The following CSMD2 variants were observed in gnomAD, a reference collection of about 807,000 sequenced individuals.
The protein encoded by CSMD2 is CUB and Sushi multiple domains 2, also known as CUB and sushi domain-containing protein 2.
In CSMD2, 130 loss-of-function variants were observed where a neutral mutation model predicts 398.5. The observed-to-expected ratio is 0.33, with a 90% CI of 0.28 to 0.38. CSMD2 has a LOEUF of 0.38. Ranked by LOEUF, CSMD2 falls within the 10% of genes least tolerant of loss-of-function variation. The pLI is 1.00. For synonymous variants in CSMD2, 1,828 were observed against 1,908.5 expected, an observed-to-expected ratio of 0.96 and a Z score of 1.10; for missense variants, 3,829 against 4,764.9, an observed-to-expected ratio of 0.80 and a Z score of 5.78.
intron 25 of CSMD2, among the ~76,000 whole-genome samples, chr1:33,686,289 G>T (rs1047463812): frequency 6.6e-6 from 1 of 152,206 alleles, no homozygotes; most frequent in Non-Finnish European, 1.5e-5. Flanking sequence ...AAGCTGAGAA[G>T]AGTTTCCACT....
At chr1:33,714,450 G>C in intron 21 of CSMD2, 137 bp downstream of exon 21, 1 of 1,001,008 alleles carries the variant, frequency 1.0e-6, no homozygotes, top group Non-Finnish European at 1.5e-6. Flanking sequence ...CCTGCCCCGG[G>C]TCCCACTGCA....
chr1:33,656,205 G>A (rs1335170228), intron 27 of CSMD2, among the ~76,000 whole-genome samples: 1 of 152,162 alleles, frequency 6.6e-6, no homozygotes, highest in African/African-American at 2.4e-5. Flanking sequence ...TGAGATTGGG[G>A]TTAGGCGTGT....
rs140746037 is a variant in CSMD2 at position 33,996,197 on chromosome 1, G to GAGCAATATGCA, written c.517+36386_517+36396dup. On this transcript the variant is annotated intron_variant, in intron 3 of 70. Coordinates refer to ENST00000373381, the MANE Select transcript of CSMD2 (RefSeq NM_001281956.2). ...AGATGCGCAACCTCACTGGTAATCA[G>GAGCAATATGCA]AGCAATATGCAATCACCATGCCCTC... Among the ~76,000 whole-genome samples the GAGCAATATGCA allele has an allele frequency of 8.1e-3, 1,239 of 152,320 alleles. 14 individuals are homozygous for GAGCAATATGCA. Among genetic ancestry groups the GAGCAATATGCA allele is most frequent in the African/African-American group, 0.028 (1,172 of 41,562 alleles).
chr1:33,938,933 T>C (rs1328765853), intron 3 of CSMD2, among the ~76,000 whole-genome samples: 1 of 152,100 alleles, frequency 6.6e-6, no homozygotes, highest in African/African-American at 2.4e-5. Context: ...CTGACTTACT[T>C]GGCATTTCCC....
intron 3 of CSMD2, among the ~76,000 whole-genome samples, chr1:33,948,810 C>T (rs1048056051): frequency 3.9e-5 from 6 of 152,152 alleles, no homozygotes; most frequent in African/African-American, 1.2e-4. Flanking sequence ...GGGATAGAGG[C>T]GCAGAGGTAG....
rs779916923 is a variant in CSMD2 at position 33,572,707 on chromosome 1, C to T, written c.7577-16G>A. On this transcript the variant is annotated splice_polypyrimidine_tract_variant and intron_variant, in intron 49 of 70. Transcript: ENST00000373381. ...CAGGAAAGAGCTAGCAAAAGGAAAA[C>T]AATGTCATGAGCATTTGTTTTAAGA... is the stretch of plus-strand genomic sequence containing the variant. The T allele has an allele frequency of 1.9e-6, 3 of 1,591,808 alleles. No individual in the cohort carries two copies. In the African/African-American group the frequency reaches 4.0e-5, roughly 21 times the overall value.
chr1:34,162,383 G>A (rs998627161), intron 1 of CSMD2, among the ~76,000 whole-genome samples: 7 of 152,014 alleles, frequency 4.6e-5, no homozygotes, highest in Non-Finnish European at 8.8e-5. Flanking sequence ...ACTGAGCCGA[G>A]GAAGGGAGAC....
At position 33,519,404 on chromosome 1, in the gene CSMD2, G is replaced by T; in HGVS notation, c.*53+61C>A. The T allele has an allele frequency of 9.6e-7, 1 of 1,038,176 alleles. No individual in the cohort carries two copies. Among genetic ancestry groups the T allele is most frequent in the Non-Finnish European group, 1.4e-6 (1 of 692,704 alleles). 64.3% of individuals were successfully genotyped at this position (1,038,176 alleles called of 1,614,324 possible). On this transcript the variant is annotated intron_variant, in intron 70 of 70. Coordinates refer to ENST00000373381, the MANE Select transcript of CSMD2 (RefSeq NM_001281956.2). This position sits in a 1 kb window ranked among gnomAD's most constrained non-coding sequence, Gnocchi z 5.6. ...GCGACTCCGTTGGGTGGAGCCCCTG[G>T]CACGCATAGGTCCCTGTCTGTGCTT...
At chr1:34,012,909 C>T (rs1345193833) in intron 3 of CSMD2, among the ~76,000 whole-genome samples, 1 of 152,192 alleles carries the variant, frequency 6.6e-6, no homozygotes. Context: ...AAAGGGGATA[C>T]ATTTGCCTCT....
At chr1:33,871,501 G>A (rs923518617) in intron 5 of CSMD2, among the ~76,000 whole-genome samples, 1 of 152,236 alleles carries the variant, frequency 6.6e-6, no homozygotes, top group Admixed American at 6.5e-5. Context: ...ACAGTTACCA[G>A]TTACAGAGGC....
intron 44 of CSMD2, among the ~76,000 whole-genome samples, chr1:33,595,626 T>C (rs1639787674): frequency 2.0e-5 from 3 of 152,232 alleles, no homozygotes; most frequent in Non-Finnish European, 4.4e-5. Flanking sequence ...TAAACAACTT[T>C]GATTCTCAAA....
At chr1:33,535,667 C>T (rs984106715) in intron 62 of CSMD2, among the ~76,000 whole-genome samples, 3 of 152,206 alleles carry the variant, frequency 2.0e-5, no homozygotes, top group African/African-American at 7.2e-5. Flanking sequence ...TGTTTTCCAA[C>T]CTAGCCTCAC....
chr1:33,797,699 C>T (rs1206274068), intron 10 of CSMD2, among the ~76,000 whole-genome samples: 2 of 152,150 alleles, frequency 1.3e-5, no homozygotes, highest in African/African-American at 2.4e-5. Context: ...GAAACAGCTG[C>T]TGCATATAAA....
At chr1:34,075,448 A>G (rs530109206) in intron 2 of CSMD2, among the ~76,000 whole-genome samples, 4 of 152,376 alleles carry the variant, frequency 2.6e-5, no homozygotes, top group Admixed American at 2.0e-4. Context: ...GATTTTTACA[A>G]CTTCCAAAAC....
chr1:33,984,151 C>T (rs996201256), intron 3 of CSMD2, among the ~76,000 whole-genome samples: 3 of 115,638 alleles, frequency 2.6e-5, no homozygotes, highest in African/African-American at 1.3e-4. Context: ...GAGACTCTGT[C>T]TCCCCCCACC....
At chr1:33,864,352 A>T in intron 5 of CSMD2, 1 of 1,613,910 alleles carries the variant, frequency 6.2e-7, no homozygotes, top group South Asian at 1.1e-5. Flanking sequence ...TCCATCTCAA[A>T]GCATGAAAAG....
At chr1:34,149,307 G>A (rs992326837) in intron 1 of CSMD2, among the ~76,000 whole-genome samples, 3 of 152,134 alleles carry the variant, frequency 2.0e-5, no homozygotes, top group Non-Finnish European at 4.4e-5. Context: ...GGGAGAAAGT[G>A]AAGGCTGGAC....
chr1:33,828,243 A>G (rs761570586), intron 6 of CSMD2, among the ~76,000 whole-genome samples: 1 of 152,350 alleles, frequency 6.6e-6, no homozygotes, highest in East Asian at 1.9e-4. Flanking sequence ...AGAGGGCATT[A>G]GTAGGGAAAC....
At chr1:34,085,412 A>T (rs560347296) in intron 2 of CSMD2, among the ~76,000 whole-genome samples, 1 of 151,768 alleles carries the variant, frequency 6.6e-6, no homozygotes, top group African/African-American at 2.4e-5. Flanking sequence ...TAAATAAATA[A>T]ATTGTACCCT....
Sources: allele counts gnomAD v4.1 joint callset (sites outside exome capture counted in the v4.1 genomes callset), GRCh38; gene constraint gnomAD v4.1.1; non-coding constraint Gnocchi (gnomAD v3.1); transcripts MANE v1.5; gene names NCBI Gene and HGNC (gene_info 2026-07-23, HGNC 2026-07-21).